Variants in MSI2 observed in about 807,000 individuals in gnomAD.
MSI2 encodes the protein musashi RNA binding protein 2.
A neutral mutation model predicts 45.6 loss-of-function variants in MSI2; 17 were observed. That is an observed-to-expected ratio of 0.37 (90% CI 0.26 to 0.56). The LOEUF is 0.56. MSI2 is among the 20% of genes least tolerant of loss of function. MSI2 has a pLI of 0.77. For synonymous variants in MSI2, 156 were observed against 158.2 expected (o/e 0.99, Z 0.11); for missense variants, 293 against 444.2 (o/e 0.66, Z 3.06).
At chr17:57,647,390 G>A (rs1366977542) in intron 10 of MSI2, among the ~76,000 whole-genome samples, 4 of 150,554 alleles carry the variant, frequency 2.7e-5, no homozygotes, top group Non-Finnish European at 4.4e-5. Flanking sequence ...CGGAGGTTGC[G>A]GCAAGCCACG....
the MSI2 span, among the ~76,000 whole-genome samples, chr17:57,690,243 G>A: frequency 6.6e-6 from 1 of 150,872 alleles, no homozygotes; most frequent in African/African-American, 2.4e-5. Flanking sequence ...ATGATCTTGA[G>A]CATCTTTTTG....
chr17:57,466,429 C>A (rs2085331783), intron 6 of MSI2, among the ~76,000 whole-genome samples: 1 of 152,108 alleles, frequency 6.6e-6, no homozygotes, highest in African/African-American at 2.4e-5. Flanking sequence ...CCATTGTTGC[C>A]CAAGACTGTG....
At chr17:57,360,004 G>T (rs1916713201) in intron 5 of MSI2, among the ~76,000 whole-genome samples, 2 of 152,196 alleles carry the variant, frequency 1.3e-5, no homozygotes, top group South Asian at 4.1e-4. Flanking sequence ...GTGTCCCAGG[G>T]TTTGGCACCA....
At chr17:57,387,273 C>T (rs904778029) in intron 5 of MSI2, among the ~76,000 whole-genome samples, 1 of 152,222 alleles carries the variant, frequency 6.6e-6, no homozygotes, top group African/African-American at 2.4e-5. Context: ...AGTAAAGTTC[C>T]TGGCGGACTG....
At chr17:57,380,469 T>C (rs543230362) in intron 5 of MSI2, among the ~76,000 whole-genome samples, 1 of 152,204 alleles carries the variant, frequency 6.6e-6, no homozygotes, top group South Asian at 2.1e-4. Flanking sequence ...TGTCAGCAAG[T>C]TAGAAACTTG....
intron 13 of MSI2, among the ~76,000 whole-genome samples, chr17:57,678,841 G>T (rs1269823180): frequency 1.3e-5 from 2 of 152,226 alleles, no homozygotes; most frequent in Non-Finnish European, 2.9e-5. Context: ...TGCACCCGCA[G>T]CACTTAGGAA....
At chr17:57,346,435 A>G (rs1915618553) in intron 5 of MSI2, among the ~76,000 whole-genome samples, 1 of 152,046 alleles carries the variant, frequency 6.6e-6, no homozygotes, top group Non-Finnish European at 1.5e-5. Flanking sequence ...AATGTGCAGT[A>G]AACTGAGGCT....
At chr17:57,630,355 T>G (rs1909252726) in intron 10 of MSI2, 1 of 152,246 alleles carries the variant, frequency 6.6e-6, no homozygotes, top group African/African-American at 2.4e-5. Flanking sequence ...TTCCTGACCT[T>G]TGGGAGTTAG....
chr17:57,509,477 A>G lies in MSI2; in HGVS notation c.406-20199A>G, dbSNP rs370703921. On this transcript the variant is annotated intron_variant, in intron 6 of 13. Transcript: ENST00000284073. Reference sequence around the variant, plus strand: ...CTCTTGTCGCCCAGGCTGGAGTGCAATGGTGTGATCTTGGCTCACTGCAAC... The same window carrying G: ...CTCTTGTCGCCCAGGCTGGAGTGCAGTGGTGTGATCTTGGCTCACTGCAAC... Among the ~76,000 whole-genome samples, 5 of 152,092 alleles carry G rather than the reference A, an allele frequency of 3.3e-5. No homozygotes were observed. The South Asian group carries it at 6.2e-4, about 19-fold the overall frequency.
the MSI2 span, among the ~76,000 whole-genome samples, chr17:57,696,226 C>T: frequency 6.6e-6 from 1 of 152,196 alleles, no homozygotes; most frequent in South Asian, 2.1e-4. Flanking sequence ...CTCCCTCCTC[C>T]CGCCATGTTG....
At chr17:57,257,216 G>GCC (rs371473884) in intron 2 of MSI2, 78 bp downstream of exon 2, 79 of 202,562 alleles carry the variant, frequency 3.9e-4, no homozygotes, top group African/African-American at 3.0e-3. Context: ...CGGTGTAGGA[G>GCC]CCCCCCCCCC....
intron 8 of MSI2, chr17:57,608,346 G>A (rs1906867134): frequency 1.3e-5 from 2 of 152,352 alleles, no homozygotes; most frequent in Admixed American, 1.3e-4. Flanking sequence ...TGTTAGAACT[G>A]AGTAGAGGTG....
chr17:57,263,882 T>C (rs1428889226), intron 5 of MSI2: 1 of 152,230 alleles, frequency 6.6e-6, no homozygotes, highest in Non-Finnish European at 1.5e-5. Context: ...AGAACATCTT[T>C]CCATGAATTC....
At chr17:57,317,441 A>G (rs1352696197) in intron 5 of MSI2, among the ~76,000 whole-genome samples, 4 of 151,556 alleles carry the variant, frequency 2.6e-5, no homozygotes. Context: ...CTCAATTAGC[A>G]TTAGCATTAT....
rs1908940493 is a variant in MSI2, at chr17:57,627,705, G to A, written c.727+402G>A. On this transcript the variant is annotated intron_variant, in intron 10 of 13. Transcript: ENST00000284073. The surrounding 1 kb of genome is among the most constrained non-coding windows in gnomAD (Gnocchi z 4.6). Reference sequence around the variant, plus strand: ...CCCTGTGTCCACCTGCCCAATGTTTGATGTCTCCCCGCCCTTGCTTCCTTT... The same window carrying A: ...CCCTGTGTCCACCTGCCCAATGTTTAATGTCTCCCCGCCCTTGCTTCCTTT... The A allele has an allele frequency of 4.0e-6, 1 of 250,218 alleles. No homozygotes were observed. Among genetic ancestry groups the A allele is most frequent in the Admixed American group, 5.1e-5 (1 of 19,738 alleles). 15.5% of individuals were successfully genotyped at this position (250,218 alleles called of 1,614,324 possible). A position where few individuals can be genotyped will look rare whatever the true frequency, so the allele number is the denominator to read the frequency against.
At chr17:57,414,587 C>T (rs1429177257) in intron 6 of MSI2, among the ~76,000 whole-genome samples, 4 of 152,004 alleles carry the variant, frequency 2.6e-5, no homozygotes, top group East Asian at 1.9e-4. Flanking sequence ...GATGATGTTT[C>T]GCCATGTTGG....
chr17:57,577,876 G>C (rs909327827), intron 7 of MSI2, among the ~76,000 whole-genome samples: 2 of 152,076 alleles, frequency 1.3e-5, no homozygotes, highest in East Asian at 1.9e-4. Context: ...TTTTGTTCAC[G>C]GCAGGTCACT....
intron 5 of MSI2, among the ~76,000 whole-genome samples, chr17:57,395,843 C>T (rs577557485): frequency 6.6e-6 from 1 of 152,334 alleles, no homozygotes; most frequent in Admixed American, 6.5e-5. Context: ...GAGCCCTTGT[C>T]TGAGCCTGGG....
At chr17:57,382,975 T>A (rs746312867) in intron 5 of MSI2, among the ~76,000 whole-genome samples, 5 of 152,192 alleles carry the variant, frequency 3.3e-5, no homozygotes, top group Admixed American at 6.5e-5. Flanking sequence ...TCATTTGCCC[T>A]GGATTCACTT....
Sources: gnomAD v4.1 joint callset for allele counts (sites outside exome capture counted in the v4.1 genomes callset) on GRCh38, gnomAD v4.1.1 for gene constraint, Gnocchi (gnomAD v3.1) non-coding constraint, MANE v1.5 for transcripts, NCBI Gene and HGNC (gene_info 2026-07-23, HGNC 2026-07-21) for gene names.